Variants in EEFSEC observed in about 807,000 individuals in gnomAD.
EEFSEC encodes the protein selenocysteine-specific elongation factor.
Under a neutral mutation model 42.1 loss-of-function variants are expected in EEFSEC, and 43 were observed. The observed-to-expected ratio is 1.02, with a 90% CI of 0.80 to 1.32. The LOEUF (loss-of-function observed/expected upper bound fraction) is 1.32. EEFSEC is among the 40% of genes most tolerant of loss of function. The pLI is 0.00. For synonymous variants in EEFSEC, 354 were observed against 339.1 expected (o/e 1.04, Z -0.48); for missense variants, 745 against 803.6 (o/e 0.93, Z 0.88).
chr3:128,237,018 C>T (rs894809801), intron 1 of EEFSEC, among the ~76,000 whole-genome samples: 2 of 152,264 alleles, frequency 1.3e-5, no homozygotes, highest in South Asian at 2.1e-4. Flanking sequence ...ACCAACTCTA[C>T]GTCTGGCATG....
chr3:128,343,509 A>G lies in EEFSEC; in HGVS notation c.1443+1620A>G, dbSNP rs563507686. Among the ~76,000 whole-genome samples, 5 of 152,320 alleles carry G rather than the reference A, an allele frequency of 3.3e-5. No individual in the cohort carries two copies. The South Asian group carries it at 1.0e-3, about 32-fold the overall frequency. Reference sequence around the variant, plus strand: ...CTCCATCAGCCTTAGGCCAGCCCCAAGATGCTGATTGAAGATGAAGGTGAT... The same window carrying G: ...CTCCATCAGCCTTAGGCCAGCCCCAGGATGCTGATTGAAGATGAAGGTGAT... On this transcript the variant is annotated intron_variant, in intron 5 of 6. Transcript: ENST00000254730.
At chr3:128,355,686 G>T (rs969739821) in intron 5 of EEFSEC, among the ~76,000 whole-genome samples, 1 of 150,746 alleles carries the variant, frequency 6.6e-6, no homozygotes, top group Non-Finnish European at 1.5e-5. Flanking sequence ...ATGTATTCTT[G>T]CAACATTTAC....
Position 128,222,041 on chromosome 3 carries a change from T to G in EEFSEC, c.317-24795T>G, listed in dbSNP as rs1464635200. Among the ~76,000 whole-genome samples the G allele has an allele frequency of 3.4e-5, 5 of 145,792 alleles. No individual in the cohort carries two copies. The East Asian group carries it at 5.8e-4, about 17-fold the overall frequency. On this transcript the variant is annotated intron_variant, in intron 1 of 6. Transcript: ENST00000254730. ...TTTTTCAAAGTTTTTTTTTTTTTTTTTTTTTTTTTTGAGACAGAATCTCAC... is the reference window on the plus strand; with the variant it reads ...TTTTTCAAAGTTTTTTTTTTTTTTTGTTTTTTTTTTGAGACAGAATCTCAC...
chr3:128,254,447 A>G (rs994551246), intron 2 of EEFSEC, among the ~76,000 whole-genome samples: 3 of 152,182 alleles, frequency 2.0e-5, no homozygotes, highest in African/African-American at 7.2e-5. Context: ...TCTGGGAGAC[A>G]ACCCTGTGAT....
At chr3:128,243,866 A>G (rs550454584) in intron 1 of EEFSEC, among the ~76,000 whole-genome samples, 1 of 152,302 alleles carries the variant, frequency 6.6e-6, no homozygotes, top group East Asian at 1.9e-4. Context: ...ACCAGGGTTC[A>G]GATCTCTTCT....
intron 6 of EEFSEC, among the ~76,000 whole-genome samples, chr3:128,366,755 C>T (rs2067595216): frequency 6.6e-6 from 1 of 152,164 alleles, no homozygotes; most frequent in Non-Finnish European, 1.5e-5. Context: ...AGCTAATCAC[C>T]CCTCTGTTCA....
chr3:128,284,222 G>A (rs1055955910), intron 4 of EEFSEC, among the ~76,000 whole-genome samples: 1 of 152,188 alleles, frequency 6.6e-6, no homozygotes, highest in Non-Finnish European at 1.5e-5. Flanking sequence ...TTTTATCTGA[G>A]TTTGGGAATC....
intron 5 of EEFSEC, among the ~76,000 whole-genome samples, chr3:128,346,800 A>G (rs1215699200): frequency 1.3e-5 from 2 of 152,252 alleles, no homozygotes; most frequent in Non-Finnish European, 2.9e-5. Flanking sequence ...ACAAATGGGC[A>G]TGACTGTGTT....
At chr3:128,376,068 A>G (rs1172816605) in intron 6 of EEFSEC, among the ~76,000 whole-genome samples, 1 of 152,112 alleles carries the variant, frequency 6.6e-6, no homozygotes, top group East Asian at 1.9e-4. Flanking sequence ...TTCTCCATAG[A>G]TGGTCTTCCA....
At chr3:128,230,842 A>G (rs1389965564) in intron 1 of EEFSEC, among the ~76,000 whole-genome samples, 1 of 152,174 alleles carries the variant, frequency 6.6e-6, no homozygotes, top group Non-Finnish European at 1.5e-5. Flanking sequence ...CCCATGCATC[A>G]GTAGGCATGC....
intron 6 of EEFSEC, among the ~76,000 whole-genome samples, chr3:128,388,818 A>C (rs576998877): frequency 9.8e-5 from 15 of 152,294 alleles, no homozygotes; most frequent in Non-Finnish European, 1.9e-4. Context: ...CGTGAAATGG[A>C]GGAGGGCTGT....
chr3:128,222,025 G>GTT (rs60162922), intron 1 of EEFSEC, among the ~76,000 whole-genome samples: 8,995 of 95,972 alleles, frequency 0.094, 914 homozygotes, highest in Non-Finnish European at 0.11. Flanking sequence ...TTTTTTCAAA[G>GTT]TTTTTTTTTT....
chr3:128,319,816 G>A (rs2108035699), intron 4 of EEFSEC, among the ~76,000 whole-genome samples: 1 of 152,340 alleles, frequency 6.6e-6, no homozygotes, highest in East Asian at 1.9e-4. Flanking sequence ...GTCTCATTCT[G>A]TCCTGTGTGC....
At position 128,235,000 on chromosome 3, in the gene EEFSEC, A is replaced by G. The variant is rs1193505856; in HGVS notation, c.317-11836A>G. 2.6e-5 allele frequency among the ~76,000 whole-genome samples: 4 copies of G among 151,884 alleles called. No individual in the cohort carries two copies. In the East Asian group the frequency reaches 7.7e-4, roughly 29 times the overall value. ...TTGTACTTCTTTTTTTAAACTTTTC[A>G]CTTATGGTAAATTATGCTGGTTTTC... is the stretch of plus-strand genomic sequence containing the variant. On this transcript the variant is annotated intron_variant, in intron 1 of 6. Coordinates refer to ENST00000254730, the MANE Select transcript of EEFSEC (RefSeq NM_021937.5).
chr3:128,244,633 A>C (rs1321211899), intron 1 of EEFSEC, among the ~76,000 whole-genome samples: 1 of 152,252 alleles, frequency 6.6e-6, no homozygotes, highest in Non-Finnish European at 1.5e-5. Context: ...AAGGAACCGA[A>C]GAATGTACAG....
intron 1 of EEFSEC, among the ~76,000 whole-genome samples, chr3:128,171,045 G>A (rs1462893477): frequency 6.6e-6 from 1 of 152,168 alleles, no homozygotes; most frequent in Non-Finnish European, 1.5e-5. Context: ...AGACCCAGCT[G>A]TACAATCGCA....
chr3:128,386,562 G>A (rs371230241), intron 6 of EEFSEC, among the ~76,000 whole-genome samples: 2 of 152,050 alleles, frequency 1.3e-5, no homozygotes, highest in South Asian at 2.1e-4. Flanking sequence ...CAGGCCCCAT[G>A]GCTGCTGTGT....
chr3:128,261,551 C>CCT (rs757021095), intron 2 of EEFSEC, among the ~76,000 whole-genome samples: 4 of 106,894 alleles, frequency 3.7e-5, no homozygotes, highest in East Asian at 2.7e-4. Context: ...CTCTTTCCCT[C>CCT]TTTTTTTTTT....
chr3:128,164,395 A>G (rs1296507632), intron 1 of EEFSEC, among the ~76,000 whole-genome samples: 2 of 152,196 alleles, frequency 1.3e-5, no homozygotes, highest in Non-Finnish European at 2.9e-5. Context: ...GGTGGCAGAT[A>G]GGGAATCCTG....
Sources: gnomAD v4.1 joint callset for allele counts (sites outside exome capture counted in the v4.1 genomes callset) on GRCh38, gnomAD v4.1.1 for gene constraint, MANE v1.5 for transcripts, NCBI Gene and HGNC (gene_info 2026-07-23, HGNC 2026-07-21) for gene names.